Variants in NLRP8 observed in about 807,000 individuals in gnomAD.
NLRP8 encodes NLR family pyrin domain containing 8, also known as NACHT, LRR and PYD domains-containing protein 8.
A neutral mutation model predicts 88.7 loss-of-function variants in NLRP8; 86 were observed. That is an observed-to-expected ratio of 0.97 (90% CI 0.81 to 1.16). The LOEUF (loss-of-function observed/expected upper bound fraction) is 1.16, where lower values mean the gene tolerates loss of function less well. NLRP8 is among the 50% of genes most tolerant of loss of function. The pLI is 0.00. For synonymous variants in NLRP8, 504 were observed against 494.6 expected, an observed-to-expected ratio of 1.02 and a Z score of -0.25; for missense variants, 1,342 against 1,286.5, an observed-to-expected ratio of 1.04 and a Z score of -0.66.
At chr19:55,954,451 C>A in intron 2 of NLRP8, 50 bp from the exon 3 acceptor site, 1 of 1,555,614 alleles carries the variant, frequency 6.4e-7, no homozygotes, top group Non-Finnish European at 8.7e-7. Context: ...TTAGTTCTTG[C>A]AATTCACTCT....
At position 55,955,069 on chromosome 19, in the gene NLRP8, C is replaced by T. The variant is rs1207853075; in HGVS notation, c.1011C>T (p.Thr337=). Reference sequence around the variant, plus strand: ...CGCTACTGATCATGATAAGATTTACCTCTTGGCAGACATGCAAGCCCTTGC... The same window carrying T: ...CGCTACTGATCATGATAAGATTTACTTCTTGGCAGACATGCAAGCCCTTGC... The change falls in exon 3 of 10, where the codon ACC becomes ACT. Residue 337 remains threonine (T), a synonymous_variant. Coordinates refer to ENST00000291971, the MANE Select transcript of NLRP8 (RefSeq NM_176811.2). 29 of 1,613,992 alleles carry T rather than the reference C, an allele frequency of 1.8e-5. No homozygotes were observed. Among genetic ancestry groups the T allele is most frequent in the African/African-American group, 2.7e-5 (2 of 74,920 alleles).
At chr19:55,987,777 T>A in intron 9 of NLRP8, 4 of 1,502,578 alleles carry the variant, frequency 2.7e-6, no homozygotes, top group Non-Finnish European at 3.7e-6. Context: ...CCTCAGAAAA[T>A]AACCTCAACC....
intron 9 of NLRP8, among the ~76,000 whole-genome samples, chr19:55,981,359 T>C (rs538306804): frequency 6.6e-6 from 1 of 152,164 alleles, no homozygotes; most frequent in Admixed American, 6.5e-5. Context: ...ATCAATGTTA[T>C]GGAGTGTCAT....
chr19:55,956,305 G>T (rs1321879467), intron 3 of NLRP8, among the ~76,000 whole-genome samples: 1 of 152,100 alleles, frequency 6.6e-6, no homozygotes, highest in Admixed American at 6.6e-5. Flanking sequence ...GTGCAGTGGT[G>T]CAATCTCAGC....
At chr19:55,956,973 T>C (rs886246074) in intron 3 of NLRP8, among the ~76,000 whole-genome samples, 3 of 152,220 alleles carry the variant, frequency 2.0e-5, no homozygotes, top group Admixed American at 2.0e-4. Context: ...TTTATTTTTT[T>C]GGAGAGATGA....
Position 55,955,450 on chromosome 19 carries a change from C to T in NLRP8, c.1392C>T (p.His464=). ...ACTTGGCCGCAGACAGCATGTGGCA[C>T]AGGAAATGGGTGTTAGGTAAAGAAG... Residue 464 remains histidine (H), a synonymous_variant, in exon 3 of 10, where the codon CAC becomes CAT. Coordinates refer to ENST00000291971, the MANE Select transcript of NLRP8 (RefSeq NM_176811.2). 1.2e-6 allele frequency: 2 copies of T among 1,614,188 alleles called. No homozygotes were observed. Among genetic ancestry groups the T allele is most frequent in the Non-Finnish European group, 1.7e-6 (2 of 1,180,034 alleles).
At chr19:55,948,362 C>T in intron 1 of NLRP8, 93 bp downstream of exon 1, 1 of 1,355,742 alleles carries the variant, frequency 7.4e-7, no homozygotes. Context: ...TATTGGCCTT[C>T]TGAGCAAGAA....
rs948548631 is a variant in NLRP8 at position 55,988,126 on chromosome 19, C to T, written c.*213C>T. On this transcript the variant is annotated 3_prime_UTR_variant, in exon 10 of 10. Coordinates refer to ENST00000291971, the MANE Select transcript of NLRP8 (RefSeq NM_176811.2). The stretch of plus-strand genomic sequence containing the variant: ...TGCTATGTAAGGCTGGGCGTGGTGG[C>T]TCACGCCTGTAACCCAGCACTATGG... The T allele has an allele frequency of 2.2e-5, 10 of 447,066 alleles. No individual in the cohort carries two copies. Among genetic ancestry groups the T allele is most frequent in the African/African-American group, 4.0e-5 (2 of 49,814 alleles). The allele number at this position is 447,066 out of a possible 1,614,324, so 27.7% of individuals were successfully genotyped here. A position where few individuals can be genotyped will look rare whatever the true frequency, so the allele number is the denominator to read the frequency against.
intron 6 of NLRP8, among the ~76,000 whole-genome samples, chr19:55,971,336 A>G (rs911426368): frequency 6.8e-6 from 1 of 146,732 alleles, no homozygotes; most frequent in African/African-American, 2.5e-5. Context: ...GCTACTCGGG[A>G]GGCTGAGGTA....
At chr19:55,983,456 T>TC (rs1277578298) in intron 9 of NLRP8, among the ~76,000 whole-genome samples, 1 of 78,894 alleles carries the variant, frequency 1.3e-5, no homozygotes, top group African/African-American at 6.2e-5. Context: ...AGAATGAGAC[T>TC]CCATCTCAAA....
intron 9 of NLRP8, among the ~76,000 whole-genome samples, chr19:55,980,183 A>G (rs1980513127): frequency 6.6e-6 from 1 of 152,150 alleles, no homozygotes; most frequent in Non-Finnish European, 1.5e-5. Context: ...ATAGCCATGA[A>G]CAAGTTAATC....
chr19:55,964,555 C>T (rs1979753806), intron 4 of NLRP8, among the ~76,000 whole-genome samples: 1 of 152,076 alleles, frequency 6.6e-6, no homozygotes, highest in Non-Finnish European at 1.5e-5. Context: ...AGTTCGTGAC[C>T]AGCCTGGGCA....
In NLRP8 at chr19:55,952,577, G is replaced by A. The variant is rs1472346555; in HGVS notation, c.407G>A (p.Gly136Glu). 6 of 1,614,084 alleles carry A rather than the reference G, an allele frequency of 3.7e-6. No individual in the cohort carries two copies. Among genetic ancestry groups the A allele is most frequent in the Non-Finnish European group, 5.1e-6 (6 of 1,179,984 alleles). Reference sequence around the variant, plus strand: ...TTGGAACCAGAGGACTTGAATGTGGGAGAAACACAGGTGAATCTGGAGGAA... The same window carrying A: ...TTGGAACCAGAGGACTTGAATGTGGAAGAAACACAGGTGAATCTGGAGGAA... Residue 136 changes from glycine to glutamate, a missense_variant, in exon 2 of 10, where the codon GGA (glycine) becomes GAA (glutamate). By Grantham distance (98) the Gly-to-Glu change is moderately conservative. Transcript: ENST00000291971.
chr19:55,948,304 G>C, intron 1 of NLRP8, 35 bp downstream of exon 1: 1 of 1,575,142 alleles, frequency 6.3e-7, no homozygotes, highest in East Asian at 2.3e-5. Context: ...GTGGGGGTGG[G>C]CTTGGCTGCT....
chr19:55,978,237 G>A (rs946646668), intron 8 of NLRP8, among the ~76,000 whole-genome samples: 1 of 151,914 alleles, frequency 6.6e-6, no homozygotes, highest in Admixed American at 6.6e-5. Context: ...TTTAGAGGGG[G>A]GAGGGATAGC....
intron 6 of NLRP8, 111 bp from the exon 7 acceptor site, chr19:55,973,541 G>A (rs1980170311): frequency 1.1e-6 from 1 of 927,444 alleles, no homozygotes; most frequent in Non-Finnish European, 1.6e-6. Flanking sequence ...GATGACAGAG[G>A]TGTGAGGATG....
intron 3 of NLRP8, among the ~76,000 whole-genome samples, chr19:55,961,715 C>T (rs1040830420): frequency 4.6e-5 from 7 of 152,136 alleles, no homozygotes; most frequent in African/African-American, 1.4e-4. Flanking sequence ...AGTGGATTGC[C>T]TGAGCCTGGG....
At chr19:55,973,616 T>G (rs1980173746) in intron 6 of NLRP8, 36 bp from the exon 7 acceptor site, 1 of 1,548,148 alleles carries the variant, frequency 6.5e-7, no homozygotes, top group African/African-American at 1.4e-5. Flanking sequence ...CAAAGACCCC[T>G]CTCCATTCAG....
rs763431342 is a variant in NLRP8 at position 55,976,315 on chromosome 19, C to T, written c.2876+12C>T. The T allele has an allele frequency of 6.3e-7, 1 of 1,587,834 alleles. No homozygotes were observed. Among genetic ancestry groups the T allele is most frequent in the East Asian group, 2.3e-5 (1 of 44,230 alleles). On this transcript the variant is annotated intron_variant, in intron 8 of 9. Transcript: ENST00000291971. ...TTACAGATCCTGGAGTAAGTGGCCC[C>T]TCGTCTCCTCCTGTGAGACCAGGAG...
Sources: gnomAD v4.1 joint callset for allele counts (sites outside exome capture counted in the v4.1 genomes callset) on GRCh38, gnomAD v4.1.1 for gene constraint, MANE v1.5 for transcripts, NCBI Gene and HGNC (gene_info 2026-07-23, HGNC 2026-07-21) for gene names.